DNMBP: variants seen among roughly 807,000 people sequenced by gnomAD.
DNMBP encodes the protein dynamin-binding protein.
DNMBP carries 87 observed loss-of-function variants against 150.0 expected under a neutral mutation model. The ratio of observed to expected loss-of-function variants is 0.58; its 90% CI spans 0.49 to 0.69. DNMBP has a LOEUF of 0.69. Ranked by LOEUF, DNMBP falls within the 30% of genes least tolerant of loss-of-function variation. The pLI is 0.00. For synonymous variants in DNMBP, 711 were observed against 750.4 expected, an observed-to-expected ratio of 0.95 and a Z score of 0.86; for missense variants, 1,774 against 1,949.0, an observed-to-expected ratio of 0.91 and a Z score of 1.69.
chr10:99,887,236 C>T (rs751418530), intron 12 of DNMBP, among the ~76,000 whole-genome samples: 6 of 151,992 alleles, frequency 3.9e-5, no homozygotes, highest in Non-Finnish European at 7.4e-5. Context: ...TTTTTATCTT[C>T]CAAAGAATTT....
chr10:99,894,634 A>T (rs1426978537), intron 11 of DNMBP, among the ~76,000 whole-genome samples: 1 of 152,128 alleles, frequency 6.6e-6, no homozygotes, highest in East Asian at 1.9e-4. Context: ...TCAATATTTG[A>T]TTTTCAAACT....
chr10:100,007,870 G>A (rs1162142599), intron 1 of DNMBP, among the ~76,000 whole-genome samples: 9 of 152,188 alleles, frequency 5.9e-5, no homozygotes, highest in Admixed American at 5.9e-4. Context: ...AGCTTATTCA[G>A]ATGTTTTCCA....
intron 4 of DNMBP, among the ~76,000 whole-genome samples, chr10:99,933,270 TG>T (rs2133290491): frequency 6.6e-6 from 1 of 151,386 alleles, no homozygotes; most frequent in East Asian, 1.9e-4. Context: ...CCCTCCAGCC[TG>T]GGTAACAGAC....
intron 11 of DNMBP, chr10:99,889,205 A>G (rs369264568): frequency 5.4e-6 from 2 of 373,094 alleles, no homozygotes; most frequent in South Asian, 3.7e-5. Flanking sequence ...GCATTCCCCT[A>G]TGTCCCTAAT....
chr10:99,961,664 T>A (rs2804947), intron 3 of DNMBP, among the ~76,000 whole-genome samples: 1 of 152,238 alleles, frequency 6.6e-6, no homozygotes, highest in South Asian at 2.1e-4. Context: ...AGTCTACCAA[T>A]TGATTCATGA....
At chr10:99,944,283 G>A (rs1175832781) in intron 4 of DNMBP, among the ~76,000 whole-genome samples, 1 of 152,156 alleles carries the variant, frequency 6.6e-6, no homozygotes, top group Non-Finnish European at 1.5e-5. Flanking sequence ...CGTGTAGCTA[G>A]TGCCTGGCTC....
intron 10 of DNMBP, 91 bp downstream of exon 10, chr10:99,896,176 G>T: frequency 6.8e-7 from 1 of 1,461,426 alleles, no homozygotes; most frequent in Non-Finnish European, 9.3e-7. Flanking sequence ...CTGAGGAAGG[G>T]AACCACGCCA....
intron 4 of DNMBP, among the ~76,000 whole-genome samples, chr10:99,935,549 A>T (rs1428470220): frequency 6.6e-6 from 1 of 151,994 alleles, no homozygotes; most frequent in Non-Finnish European, 1.5e-5. Context: ...ACCTTGCCTG[A>T]GTAGACTTAA....
chr10:99,992,295 T>C (rs2040903290), intron 1 of DNMBP, among the ~76,000 whole-genome samples: 1 of 152,046 alleles, frequency 6.6e-6, no homozygotes, highest in African/African-American at 2.4e-5. Context: ...AGAGCCAGAC[T>C]ACCTAGATCT....
At chr10:99,918,196 A>G (rs1393336984) in intron 4 of DNMBP, among the ~76,000 whole-genome samples, 1 of 151,864 alleles carries the variant, frequency 6.6e-6, no homozygotes, top group African/African-American at 2.4e-5. Context: ...CACTCTGGCC[A>G]GCCCACCCAA....
intron 1 of DNMBP, among the ~76,000 whole-genome samples, chr10:99,972,890 T>C (rs996370377): frequency 1.3e-5 from 2 of 152,156 alleles, no homozygotes; most frequent in African/African-American, 2.4e-5. Context: ...CAAGTGATTC[T>C]CAAGGCTCAG....
intron 14 of DNMBP, among the ~76,000 whole-genome samples, chr10:99,884,688 C>T (rs1207884166): frequency 1.3e-5 from 2 of 152,142 alleles, no homozygotes; most frequent in Non-Finnish European, 2.9e-5. Context: ...GTGGGCAGAT[C>T]ACTTGAGGCC....
intron 11 of DNMBP, among the ~76,000 whole-genome samples, chr10:99,890,618 CAAAG>C (rs1036539125): frequency 9.9e-5 from 15 of 152,108 alleles, no homozygotes; most frequent in African/African-American, 3.4e-4. Context: ...AGCAGCAAGA[CAAAG>C]AAACATACTC....
intron 4 of DNMBP, among the ~76,000 whole-genome samples, chr10:99,945,327 T>A (rs561239186): frequency 6.6e-6 from 1 of 152,184 alleles, no homozygotes; most frequent in Non-Finnish European, 1.5e-5. Flanking sequence ...CAGAGAATAC[T>A]GGCACGCGGA....
intron 1 of DNMBP, among the ~76,000 whole-genome samples, chr10:99,988,642 A>C (rs1361221645): frequency 2.6e-5 from 4 of 151,906 alleles, no homozygotes; most frequent in African/African-American, 9.7e-5. Flanking sequence ...TATCTCTGAC[A>C]ATTTTATTTT....
At chr10:99,908,885 A>G in intron 5 of DNMBP, 68 bp downstream of exon 5, 1 of 1,425,718 alleles carries the variant, frequency 7.0e-7, no homozygotes, top group Non-Finnish European at 9.6e-7. Flanking sequence ...GAAAGCTCCT[A>G]TATCCTAATG....
intron 4 of DNMBP, chr10:99,913,825 A>G (rs1057443544): frequency 2.0e-6 from 2 of 1,014,594 alleles, no homozygotes; most frequent in Non-Finnish European, 2.6e-6. Flanking sequence ...CTTGCCTCAG[A>G]AAGCTGGATC....
chr10:99,903,819 A>T (rs1292485741), intron 6 of DNMBP, among the ~76,000 whole-genome samples: 10 of 152,330 alleles, frequency 6.6e-5, no homozygotes, highest in East Asian at 1.9e-4. Flanking sequence ...TTCTATATCA[A>T]TTACAAACTA....
intron 1 of DNMBP, among the ~76,000 whole-genome samples, chr10:99,979,256 T>C (rs544078810): frequency 1.6e-4 from 25 of 152,188 alleles, no homozygotes; most frequent in Non-Finnish European, 3.7e-4. Flanking sequence ...TCTCCTCTAT[T>C]GTCCTAAGCA....
Sources: gnomAD v4.1 joint callset for allele counts (sites outside exome capture counted in the v4.1 genomes callset) on GRCh38, gnomAD v4.1.1 for gene constraint, MANE v1.5 for transcripts, NCBI Gene and HGNC (gene_info 2026-07-23, HGNC 2026-07-21) for gene names.